ZNF724: variants seen among roughly 807,000 people sequenced by gnomAD.
ZNF724 encodes zinc finger protein 724.
In ZNF724, 14 loss-of-function variants were observed where a neutral mutation model predicts 29.3. The ratio of observed to expected loss-of-function variants is 0.48; its 90% confidence interval spans 0.32 to 0.75. ZNF724 has a LOEUF of 0.75. ZNF724 is among the 30% of genes least tolerant of loss of function. The pLI, the probability that ZNF724 is intolerant of heterozygous loss-of-function variation, is 0.04. For synonymous variants in ZNF724, 180 were observed against 193.6 expected, an observed-to-expected ratio of 0.93 and a Z score of 0.58; for missense variants, 557 against 571.2, an observed-to-expected ratio of 0.98 and a Z score of 0.25.
intron 1 of ZNF724, among the ~76,000 whole-genome samples, chr19:23,238,805 G>C (rs1407413315): frequency 6.6e-6 from 1 of 152,196 alleles, no homozygotes; most frequent in Admixed American, 6.5e-5. Context: ...TACTCAGGAG[G>C]CTGAGGCAGA....
Position 23,232,203 on chromosome 19 carries a change from C to A in ZNF724, c.94G>T (p.Val32Leu), listed in dbSNP as rs762886653. 3 of 1,352,290 alleles carry A rather than the reference C, an allele frequency of 2.2e-6. No homozygotes were observed. The Admixed American group carries it at 5.0e-5, about 23-fold the overall frequency. 83.8% of individuals were successfully genotyped at this position (1,352,290 alleles called of 1,614,324 possible). Residue 32 changes from valine (V) to leucine (L), a missense_variant, in exon 2 of 4, where the codon GTG becomes TTG. Physicochemically the swap from Val to Leu is conservative, Grantham distance 32. Transcript: ENST00000418100. ...AGGTTTCTGTAGTTCTCTAACATCACGTTCCTATATAAATTCTGCTGTGCA... is the reference window on the plus strand; with the variant it reads ...AGGTTTCTGTAGTTCTCTAACATCAAGTTCCTATATAAATTCTGCTGTGCA... ...DTAQQNLYRN[V>L]MLENYRNLVF...
intron 1 of ZNF724, among the ~76,000 whole-genome samples, chr19:23,248,456 C>A (rs765971998): frequency 5.9e-5 from 9 of 151,766 alleles, no homozygotes; most frequent in Non-Finnish European, 1.3e-4. Flanking sequence ...TTGGAACACA[C>A]GTAAAAAATG....
intron 1 of ZNF724, among the ~76,000 whole-genome samples, chr19:23,237,564 T>C (rs1048011657): frequency 6.6e-6 from 1 of 151,962 alleles, no homozygotes; most frequent in Non-Finnish European, 1.5e-5. Context: ...AAGACATTCA[T>C]CCAAAATAAA....
Position 23,236,056 on chromosome 19 carries a change from A to C in ZNF724, c.4-3763T>G, listed in dbSNP as rs147248154. Among the ~76,000 whole-genome samples, 306 of 152,280 alleles carry C rather than the reference A, an allele frequency of 2.0e-3. 1 individual carries two copies. Among genetic ancestry groups the C allele is most frequent in the East Asian group, 0.016 (82 of 5,190 alleles). ...TGATCCATGTATGCTAATTGGTTAT[A>C]ATCAATGACAAAATTAACTTTTCAC... On this transcript the variant is annotated intron_variant, in intron 1 of 3. Transcript: ENST00000418100.
rs772142190 is a variant in ZNF724, at chr19:23,250,263, C to T, written c.-21G>A. 10 of 687,602 alleles carry T rather than the reference C, an allele frequency of 1.5e-5. No individual in the cohort carries two copies. The highest frequency in any genetic ancestry group is 1.3e-4 in the South Asian group (10 of 75,100). 42.6% of individuals were successfully genotyped at this position (687,602 alleles called of 1,614,324 possible). ...ACCATTTCTAGGCTTCCAGGGGAGG[C>T]CCTGGCGTCTTAGCTGTGGATCTCC... is the stretch of plus-strand genomic sequence containing the variant. On this transcript the variant is annotated 5_prime_UTR_variant, in exon 1 of 4. Transcript: ENST00000418100.
chr19:23,238,287 C>T (rs1972056479), intron 1 of ZNF724, among the ~76,000 whole-genome samples: 2 of 152,044 alleles, frequency 1.3e-5, no homozygotes, highest in South Asian at 4.1e-4. Context: ...ATGGCGTGAA[C>T]CCGGGAGGCA....
chr19:23,247,283 T>C (rs1019628839), intron 1 of ZNF724, among the ~76,000 whole-genome samples: 3 of 152,182 alleles, frequency 2.0e-5, no homozygotes, highest in Admixed American at 6.5e-5. Flanking sequence ...GAAAAAAAAG[T>C]AAATGAGAAT....
intron 1 of ZNF724, among the ~76,000 whole-genome samples, chr19:23,249,332 C>T (rs1972306886): frequency 6.6e-6 from 1 of 151,518 alleles, no homozygotes; most frequent in Non-Finnish European, 1.5e-5. Context: ...CAACCTCCTC[C>T]CAGGTTCAAG....
rs1475057221 is a variant in ZNF724, at chr19:23,224,230, G to T, written c.227-212C>A. Among the ~76,000 whole-genome samples the T allele has an allele frequency of 2.0e-5, 3 of 152,144 alleles. No homozygotes were observed. In the East Asian group the frequency reaches 5.8e-4, roughly 30 times the overall value. Reference sequence around the variant, plus strand: ...AGTTTGAGACCAGTCTGGCCAACTGGTGAGACCCATCTTTACTAAAAAATA... The same window carrying T: ...AGTTTGAGACCAGTCTGGCCAACTGTTGAGACCCATCTTTACTAAAAAATA... On this transcript the variant is annotated intron_variant, in intron 3 of 3. Coordinates refer to ENST00000418100, the MANE Select transcript of ZNF724 (RefSeq NM_001355404.2).
chr19:23,228,562 C>T (rs1354570489), intron 3 of ZNF724, among the ~76,000 whole-genome samples: 1 of 152,030 alleles, frequency 6.6e-6, no homozygotes, highest in Non-Finnish European at 1.5e-5. Context: ...CGAGACCAGC[C>T]TGGCCAACAT....
chr19:23,222,595 A>G lies in ZNF724; in HGVS notation c.1650T>C (p.Thr550=). Residue 550 remains threonine (T), a synonymous_variant, in exon 4 of 4, where the codon ACT becomes ACC. Transcript: ENST00000418100. ...CTCCAGTATGAATTATCTTATGTTG[A>G]GTAAGGTTTGAGTATTGGTAAAAAG... ...GKAFYQYSNL[T]QHKIIHTGEK... 1 of 1,378,716 alleles carries G rather than the reference A, an allele frequency of 7.3e-7. No individual in the cohort carries two copies. Among genetic ancestry groups the G allele is most frequent in the Non-Finnish European group, 1.0e-6 (1 of 967,778 alleles). The allele number at this position is 1,378,716 out of a possible 1,614,324, so 85.4% of individuals were successfully genotyped here. A position where few individuals can be genotyped will look rare whatever the true frequency, so the allele number is the denominator to read the frequency against.
intron 2 of ZNF724, 146 bp downstream of exon 2, chr19:23,232,021 G>A (rs1971942477): frequency 1.3e-6 from 1 of 763,674 alleles, no homozygotes; most frequent in Non-Finnish European, 2.1e-6. Flanking sequence ...ACAGGCATAA[G>A]CCACCACGCT....
chr19:23,248,312 A>G (rs1972278616), intron 1 of ZNF724, among the ~76,000 whole-genome samples: 1 of 152,166 alleles, frequency 6.6e-6, no homozygotes, highest in Admixed American at 6.5e-5. Context: ...AAGAAAGTTG[A>G]CAGTTCCTTG....
intron 1 of ZNF724, among the ~76,000 whole-genome samples, chr19:23,243,475 C>CAAAAAAAAAAAAAAAAAA (rs61241201): frequency 1.9e-4 from 6 of 31,188 alleles, no homozygotes; most frequent in Admixed American, 3.9e-4. Flanking sequence ...GAGTCCATCT[C>CAAAAAAAAAAAAAAAAAA]AAAAAAAAAA....
chr19:23,247,269 T>TG (rs1302752136), intron 1 of ZNF724, among the ~76,000 whole-genome samples: 1 of 152,040 alleles, frequency 6.6e-6, no homozygotes, highest in Non-Finnish European at 1.5e-5. Flanking sequence ...AAACTCACAG[T>TG]GGGGAAAAAA....
intron 3 of ZNF724, among the ~76,000 whole-genome samples, chr19:23,229,420 T>C (rs1971896066): frequency 6.6e-6 from 1 of 152,120 alleles, no homozygotes; most frequent in Non-Finnish European, 1.5e-5. Flanking sequence ...CATGACTCAG[T>C]TCAAGGCCAG....
intron 3 of ZNF724, among the ~76,000 whole-genome samples, chr19:23,224,950 G>A (rs867636722): frequency 4.6e-5 from 7 of 151,290 alleles, no homozygotes; most frequent in Middle Eastern, 3.4e-3. Flanking sequence ...GCAAGACTCC[G>A]TCTCAAACAA....
intron 1 of ZNF724, among the ~76,000 whole-genome samples, chr19:23,243,475 CAAAAAAAAAA>C (rs61241201): frequency 9.6e-5 from 3 of 31,218 alleles, no homozygotes; most frequent in South Asian, 3.4e-3. Context: ...GAGTCCATCT[CAAAAAAAAAA>C]AAAAAAAAAA....
chr19:23,223,684 T>C lies in ZNF724; in HGVS notation c.561A>G (p.Gln187=), dbSNP rs780367169. 24 of 716,106 alleles carry C rather than the reference T, an allele frequency of 3.4e-5. No individual in the cohort carries two copies. The South Asian group carries it at 3.5e-4, about 11-fold the overall frequency. 44.4% of individuals were successfully genotyped at this position (716,106 alleles called of 1,614,324 possible). A position where few individuals can be genotyped will look rare whatever the true frequency, so the allele number is the denominator to read the frequency against. ...TGACAGTAGTGTGAATTCTTTTATG[T>C]TGAGTTAGGTGTGAAAGAACACAAA... ...KSFCVLSHLT[Q]HKRIHTTVNS... is the part of the protein sequence containing the mutation. Residue 187 remains glutamine (Q), a synonymous_variant, in exon 4 of 4, where the codon CAA becomes CAG. Coordinates refer to ENST00000418100, the MANE Select transcript of ZNF724 (RefSeq NM_001355404.2).
Sources: gnomAD v4.1 joint callset for allele counts (sites outside exome capture counted in the v4.1 genomes callset) on GRCh38, gnomAD v4.1.1 for gene constraint, MANE v1.5 for transcripts, NCBI Gene and HGNC (gene_info 2026-07-23, HGNC 2026-07-21) for gene names.